SLC8A1: variants seen among roughly 807,000 people sequenced by gnomAD.
The protein encoded by SLC8A1 is sodium/calcium exchanger 1.
Under a neutral mutation model 68.3 loss-of-function variants are expected in SLC8A1, and 18 were observed. The observed-to-expected ratio is 0.26, with a 90% CI of 0.18 to 0.39. SLC8A1 has a LOEUF of 0.39. Ranked by LOEUF, SLC8A1 falls within the 10% of genes least tolerant of loss-of-function variation. The probability of loss-of-function intolerance (pLI) is 1.00; values close to 1 mark genes in which losing one functional copy is unlikely to be tolerated. For missense variants in SLC8A1, 985 were observed against 1,156.7 expected (o/e 0.85, Z 2.15); for synonymous variants, 475 against 415.5 (o/e 1.14, Z -1.74).
intron 1 of SLC8A1, among the ~76,000 whole-genome samples, chr2:40,512,015 C>T (rs1470163749): frequency 6.6e-6 from 1 of 152,098 alleles, no homozygotes; most frequent in Non-Finnish European, 1.5e-5. Flanking sequence ...CTCAGAACCC[C>T]GCGGAAGCTG....
chr2:40,308,096 C>T (rs17025804), intron 2 of SLC8A1, among the ~76,000 whole-genome samples: 1 of 152,022 alleles, frequency 6.6e-6, no homozygotes, highest in South Asian at 2.1e-4. Context: ...TAAGAAACCC[C>T]ATTTTGGCCC....
chr2:40,350,624 A>G (rs1051576347), intron 2 of SLC8A1, among the ~76,000 whole-genome samples: 8 of 136,510 alleles, frequency 5.9e-5, no homozygotes, highest in Admixed American at 3.8e-4. Flanking sequence ...AAAAAAAGGC[A>G]TTTCCATGTA....
chr2:40,269,998 T>C (rs557963679), intron 2 of SLC8A1, among the ~76,000 whole-genome samples: 4 of 152,222 alleles, frequency 2.6e-5, no homozygotes, highest in Middle Eastern at 3.4e-3. Flanking sequence ...AGCTCCTTAA[T>C]TAAGATAATC....
chr2:40,384,110 T>C (rs1436016248), intron 2 of SLC8A1, among the ~76,000 whole-genome samples: 2 of 150,676 alleles, frequency 1.3e-5, no homozygotes, highest in Non-Finnish European at 2.9e-5. Context: ...TTTTTTTTTT[T>C]AACAGTTAGA....
chr2:40,113,723 T>C (rs944587988), exon 8 of SLC8A1: 3 of 152,720 alleles, frequency 2.0e-5, no homozygotes, highest in African/African-American at 7.2e-5. Context: ...ATAAATACTT[T>C]GCAGGGAGGG....
intron 1 of SLC8A1, among the ~76,000 whole-genome samples, chr2:40,475,323 T>TG (rs1361852948): frequency 6.6e-6 from 1 of 151,836 alleles, no homozygotes; most frequent in African/African-American, 2.4e-5. Context: ...TTAGTAGAAA[T>TG]GGGGTTTCAC....
chr2:40,104,972 A>G (rs375751564), exon 8 of SLC8A1: 3 of 152,200 alleles, frequency 2.0e-5, no homozygotes, highest in East Asian at 1.9e-4. Context: ...GGTGAGTACA[A>G]TGTTAATATA....
intron 2 of SLC8A1, among the ~76,000 whole-genome samples, chr2:40,392,529 A>T (rs1685629872): frequency 6.6e-6 from 1 of 152,148 alleles, no homozygotes; most frequent in South Asian, 2.1e-4. Context: ...ATGTGGTATC[A>T]CAAGCAGCTT....
chr2:40,227,208 A>G (rs404214), intron 2 of SLC8A1, among the ~76,000 whole-genome samples: 111,661 of 151,914 alleles, frequency 0.74, 41,762 homozygotes, highest in Middle Eastern at 0.84. Context: ...TTGTTTTGTG[A>G]GTTAATATAG....
intron 2 of SLC8A1, among the ~76,000 whole-genome samples, chr2:40,416,346 T>C (rs1032194444): frequency 6.6e-6 from 1 of 152,186 alleles, no homozygotes; most frequent in Non-Finnish European, 1.5e-5. Context: ...TCATAACTTA[T>C]CAAGACTCAC....
chr2:40,237,405 G>C (rs1329080087), intron 2 of SLC8A1, among the ~76,000 whole-genome samples: 4 of 152,064 alleles, frequency 2.6e-5, no homozygotes, highest in Non-Finnish European at 5.9e-5. Flanking sequence ...ATCAGCTCCT[G>C]AGGCTTCTGC....
At chr2:40,255,833 G>A (rs550550453) in intron 2 of SLC8A1, among the ~76,000 whole-genome samples, 96 of 152,240 alleles carry the variant, frequency 6.3e-4, no homozygotes, top group Middle Eastern at 3.4e-3. Context: ...ACATCAATTA[G>A]TCAAGAAAAT....
intron 1 of SLC8A1, among the ~76,000 whole-genome samples, chr2:40,490,396 G>A (rs1361573757): frequency 2.0e-5 from 3 of 152,004 alleles, no homozygotes; most frequent in Non-Finnish European, 4.4e-5. Flanking sequence ...CATTTCACAG[G>A]CTATAATTGT....
intron 2 of SLC8A1, among the ~76,000 whole-genome samples, chr2:40,299,335 A>G (rs2070997051): frequency 6.6e-6 from 1 of 152,158 alleles, no homozygotes. Flanking sequence ...GAGTGGAGAA[A>G]AACTTATTAA....
chr2:40,502,825 C>T (rs920827404), intron 1 of SLC8A1, among the ~76,000 whole-genome samples: 3 of 152,040 alleles, frequency 2.0e-5, no homozygotes, highest in African/African-American at 7.2e-5. Context: ...TTACCTCCTA[C>T]TCTCCAGCCA....
chr2:40,182,707 C>G (rs1469160497), intron 2 of SLC8A1, among the ~76,000 whole-genome samples: 1 of 152,120 alleles, frequency 6.6e-6, no homozygotes, highest in African/African-American at 2.4e-5. Flanking sequence ...TTGACTCAGG[C>G]AGACAGTCAG....
At chr2:40,428,746 G>A (rs779579198) in exon 2 of SLC8A1, 8 of 1,613,772 alleles carry the variant, frequency 5.0e-6, no homozygotes, top group Middle Eastern at 3.3e-4. Flanking sequence ...AACATGATTG[G>A]CTTCCAGTAT....
At chr2:40,403,031 A>G (rs1255225760) in intron 2 of SLC8A1, among the ~76,000 whole-genome samples, 1 of 152,242 alleles carries the variant, frequency 6.6e-6, no homozygotes, top group Non-Finnish European at 1.5e-5. Context: ...ACACTTACAT[A>G]CAAATGACAC....
At chr2:40,141,100 C>T (rs1396023949) in intron 6 of SLC8A1, among the ~76,000 whole-genome samples, 3 of 152,158 alleles carry the variant, frequency 2.0e-5, no homozygotes, top group Non-Finnish European at 4.4e-5. Flanking sequence ...CCCATTCCAA[C>T]CTTGTCATCA....
Sources: allele counts gnomAD v4.1 joint callset (sites outside exome capture counted in the v4.1 genomes callset), GRCh38; gene constraint gnomAD v4.1.1; transcripts MANE v1.5; gene names NCBI Gene and HGNC (gene_info 2026-07-23, HGNC 2026-07-21).